PEX5L: variants seen among roughly 807,000 people sequenced by gnomAD.
PEX5L encodes the protein PEX5-related protein.
In PEX5L, 30 loss-of-function variants were observed where a neutral mutation model predicts 84.0. The observed-to-expected ratio is 0.36, with a 90% CI of 0.27 to 0.48. The LOEUF (loss-of-function observed/expected upper bound fraction) is 0.48, where lower values mean the gene tolerates loss of function less well. Among genes scored for constraint, PEX5L ranks in the 20% least tolerant of loss-of-function variants. The probability of loss-of-function intolerance (pLI) is 0.99; values close to 1 mark genes in which losing one functional copy is unlikely to be tolerated. For missense variants in PEX5L, 533 were observed against 754.6 expected (o/e 0.71, Z 3.44); for synonymous variants, 270 against 283.1 (o/e 0.95, Z 0.46).
At chr3:180,011,956 C>T (rs1207693185) in intron 1 of PEX5L, among the ~76,000 whole-genome samples, 1 of 152,174 alleles carries the variant, frequency 6.6e-6, no homozygotes, top group Non-Finnish European at 1.5e-5. Flanking sequence ...TGAGATGAAG[C>T]CATAAAATTC....
At chr3:179,881,856 C>T (rs181460229) in intron 4 of PEX5L, among the ~76,000 whole-genome samples, 28 of 152,304 alleles carry the variant, frequency 1.8e-4, no homozygotes, top group Non-Finnish European at 3.4e-4. Context: ...GCAATAGGAA[C>T]CACTTCCCAA....
intron 2 of PEX5L, among the ~76,000 whole-genome samples, chr3:179,948,363 G>A (rs183012041): frequency 6.6e-6 from 1 of 152,268 alleles, no homozygotes; most frequent in African/African-American, 2.4e-5. Context: ...CATCTGTTTG[G>A]TCTTTATCTA....
At chr3:179,864,206 A>G (rs1156312666) in intron 7 of PEX5L, among the ~76,000 whole-genome samples, 1 of 152,152 alleles carries the variant, frequency 6.6e-6, no homozygotes, top group Admixed American at 6.6e-5. Context: ...AAAGGAAATG[A>G]AATCAGTATG....
At chr3:179,934,009 A>G (rs555679168) in intron 2 of PEX5L, among the ~76,000 whole-genome samples, 1 of 152,362 alleles carries the variant, frequency 6.6e-6, no homozygotes, top group Non-Finnish European at 1.5e-5. Context: ...AATGGGACAC[A>G]AAAGAAGAAA....
chr3:179,872,089 A>G (rs1170081664), intron 7 of PEX5L, among the ~76,000 whole-genome samples: 1 of 152,050 alleles, frequency 6.6e-6, no homozygotes, highest in African/African-American at 2.4e-5. Flanking sequence ...TTTGCTATGT[A>G]TCCCAGGCTG....
At chr3:179,943,120 T>A (rs900089908) in intron 2 of PEX5L, among the ~76,000 whole-genome samples, 9 of 152,380 alleles carry the variant, frequency 5.9e-5, no homozygotes, top group African/African-American at 1.9e-4. Flanking sequence ...GTTATTATTA[T>A]TTTACTATAT....
At chr3:179,921,302 G>C (rs755143763) in intron 2 of PEX5L, among the ~76,000 whole-genome samples, 3 of 152,002 alleles carry the variant, frequency 2.0e-5, no homozygotes, top group Non-Finnish European at 4.4e-5. Context: ...TTCCACATTA[G>C]CCAATAGCAT....
intron 1 of PEX5L, among the ~76,000 whole-genome samples, chr3:180,022,031 C>T (rs1164214457): frequency 6.6e-6 from 1 of 152,022 alleles, no homozygotes; most frequent in Non-Finnish European, 1.5e-5. Flanking sequence ...CTTATTGATT[C>T]TGAAACCAGA....
chr3:179,814,818 C>T (rs1415107815), intron 10 of PEX5L, among the ~76,000 whole-genome samples: 1 of 152,134 alleles, frequency 6.6e-6, no homozygotes, highest in Non-Finnish European at 1.5e-5. Flanking sequence ...CCATGGCTTT[C>T]AGATGAATTT....
intron 1 of PEX5L, among the ~76,000 whole-genome samples, chr3:180,032,862 A>AAAAAGGTG (rs1406742980): frequency 1.3e-5 from 2 of 152,196 alleles, no homozygotes; most frequent in Admixed American, 1.3e-4. Context: ...TCAAGAATTA[A>AAAAAGGTG]AAAAGGTGGT....
intron 1 of PEX5L, among the ~76,000 whole-genome samples, chr3:180,006,922 C>G (rs533978404): frequency 3.3e-5 from 5 of 152,096 alleles, no homozygotes; most frequent in Non-Finnish European, 7.4e-5. Context: ...CCAAACCATA[C>G]GATTCCACCC....
At chr3:179,900,109 TCA>T (rs891544993) in intron 2 of PEX5L, among the ~76,000 whole-genome samples, 7 of 152,156 alleles carry the variant, frequency 4.6e-5, no homozygotes, top group African/African-American at 1.7e-4. Flanking sequence ...GGATGAAACA[TCA>T]CACGCTATAA....
intron 2 of PEX5L, among the ~76,000 whole-genome samples, chr3:179,964,545 T>C (rs1782854851): frequency 6.6e-6 from 1 of 152,160 alleles, no homozygotes; most frequent in Admixed American, 6.5e-5. Flanking sequence ...TTGCAAACTA[T>C]GCATCTCACG....
At chr3:179,944,253 A>C (rs1259871209) in intron 2 of PEX5L, among the ~76,000 whole-genome samples, 1 of 152,220 alleles carries the variant, frequency 6.6e-6, no homozygotes, top group African/African-American at 2.4e-5. Flanking sequence ...CTACTTTCAG[A>C]GATGCATAAA....
intron 8 of PEX5L, among the ~76,000 whole-genome samples, chr3:179,822,540 T>C (rs1257839125): frequency 6.6e-6 from 1 of 152,258 alleles, no homozygotes; most frequent in African/African-American, 2.4e-5. Context: ...TTTAGTATAA[T>C]CAATTTTCAT....
chr3:179,872,033 T>C (rs2108677790), intron 7 of PEX5L, among the ~76,000 whole-genome samples: 1 of 152,282 alleles, frequency 6.6e-6, no homozygotes, highest in African/African-American at 2.4e-5. Context: ...TACAGGCTTG[T>C]GCTATCATGC....
At chr3:179,953,448 G>C (rs73057355) in intron 2 of PEX5L, among the ~76,000 whole-genome samples, 29,304 of 152,100 alleles carry the variant, frequency 0.19, 3,354 homozygotes, top group Non-Finnish European at 0.26. Flanking sequence ...GATATGAACA[G>C]ACACTTCTCA....
chr3:179,852,214 G>A (rs1742173495), intron 8 of PEX5L, among the ~76,000 whole-genome samples: 1 of 152,142 alleles, frequency 6.6e-6, no homozygotes, highest in Non-Finnish European at 1.5e-5. Flanking sequence ...GTCATCCCAA[G>A]GTAGGGTCTG....
intron 8 of PEX5L, chr3:179,820,359 C>T: frequency 5.4e-6 from 1 of 185,904 alleles, no homozygotes; most frequent in South Asian, 1.3e-4. Context: ...ACTGGCTGAG[C>T]AGTGACTTGG....
Sources: gnomAD v4.1 joint callset for allele counts (sites outside exome capture counted in the v4.1 genomes callset) on GRCh38, gnomAD v4.1.1 for gene constraint, MANE v1.5 for transcripts, NCBI Gene and HGNC (gene_info 2026-07-23, HGNC 2026-07-21) for gene names.